Variants in PTPRZ1 observed in about 807,000 individuals in gnomAD.
PTPRZ1 encodes the protein receptor-type tyrosine-protein phosphatase zeta.
Under a neutral mutation model 214.1 loss-of-function variants are expected in PTPRZ1, and 82 were observed. The ratio of observed to expected loss-of-function variants is 0.38; its 90% CI spans 0.32 to 0.46. The LOEUF (loss-of-function observed/expected upper bound fraction) is 0.46, where lower values mean the gene tolerates loss of function less well. Ranked by LOEUF, PTPRZ1 falls within the 20% of genes least tolerant of loss-of-function variation. PTPRZ1 has a pLI of 1.00. For missense variants in PTPRZ1, 2,603 were observed against 2,748.7 expected (o/e 0.95, Z 1.19); for synonymous variants, 945 against 987.9 (o/e 0.96, Z 0.81).
chr7:122,020,386 G>A (rs1013890016), intron 13 of PTPRZ1, among the ~76,000 whole-genome samples: 4 of 152,156 alleles, frequency 2.6e-5, no homozygotes, highest in African/African-American at 9.7e-5. Flanking sequence ...GCTAAAAGTA[G>A]TCAGAGAACA....
At chr7:121,993,945 C>T (rs1187758303) in intron 8 of PTPRZ1, among the ~76,000 whole-genome samples, 3 of 151,974 alleles carry the variant, frequency 2.0e-5, no homozygotes, top group African/African-American at 7.3e-5. Flanking sequence ...TAACAATAAA[C>T]ACAGGTATTT....
chr7:121,976,718 C>A, intron 5 of PTPRZ1, 67 bp from the exon 6 acceptor site: 3 of 1,244,598 alleles, frequency 2.4e-6, no homozygotes, highest in Non-Finnish European at 3.3e-6. Context: ...CATTAATCTT[C>A]ACATTTTTAT....
intron 23 of PTPRZ1, among the ~76,000 whole-genome samples, chr7:122,049,934 A>G (rs1257758844): frequency 6.6e-6 from 1 of 152,204 alleles, no homozygotes; most frequent in Non-Finnish European, 1.5e-5. Context: ...CAGAGGAATG[A>G]TGCATTTGAG....
chr7:121,943,540 G>A (rs530070341), intron 2 of PTPRZ1, among the ~76,000 whole-genome samples: 1 of 151,926 alleles, frequency 6.6e-6, no homozygotes, highest in Admixed American at 6.6e-5. Context: ...GGGCTTTACC[G>A]TGTTAGCCAG....
intron 2 of PTPRZ1, among the ~76,000 whole-genome samples, chr7:121,958,976 A>G (rs1796792488): frequency 6.6e-6 from 1 of 152,086 alleles, no homozygotes; most frequent in South Asian, 2.1e-4. Context: ...GGTGCCCACC[A>G]CCATGGCTGG....
At chr7:121,915,068 A>G (rs1463906419) in intron 1 of PTPRZ1, among the ~76,000 whole-genome samples, 2 of 152,106 alleles carry the variant, frequency 1.3e-5, no homozygotes, top group African/African-American at 4.8e-5. Context: ...ATCAAGACCC[A>G]CTAGAGCACC....
intron 1 of PTPRZ1, among the ~76,000 whole-genome samples, chr7:121,918,825 G>A (rs1269048280): frequency 2.8e-5 from 4 of 143,324 alleles, no homozygotes; most frequent in Non-Finnish European, 6.0e-5. Flanking sequence ...CATAACTGTT[G>A]ATATTTTATA....
intron 1 of PTPRZ1, among the ~76,000 whole-genome samples, chr7:121,897,909 T>C (rs1794840904): frequency 6.6e-6 from 1 of 152,238 alleles, no homozygotes; most frequent in Admixed American, 6.5e-5. Context: ...ACTAGAGTTT[T>C]TAAGCACTGA....
chr7:121,997,002 A>G (rs1165606189), intron 9 of PTPRZ1, among the ~76,000 whole-genome samples: 2 of 152,192 alleles, frequency 1.3e-5, no homozygotes, highest in Admixed American at 1.3e-4. Flanking sequence ...TTCAGATAAC[A>G]GCTGGGAAGT....
intron 2 of PTPRZ1, among the ~76,000 whole-genome samples, chr7:121,949,398 C>T (rs1434119939): frequency 3.3e-5 from 5 of 152,100 alleles, no homozygotes; most frequent in East Asian, 1.9e-4. Context: ...GAAAGTACCA[C>T]GCACATATGA....
chr7:121,973,421 A>C (rs1797317269), intron 4 of PTPRZ1, among the ~76,000 whole-genome samples: 1 of 152,208 alleles, frequency 6.6e-6, no homozygotes. Context: ...TTAATACATT[A>C]AAATTAATTA....
chr7:121,874,039 G>GACACACACACACACACACACAC (rs10640393), intron 1 of PTPRZ1, among the ~76,000 whole-genome samples: 8 of 147,930 alleles, frequency 5.4e-5, no homozygotes, highest in African/African-American at 2.0e-4. Context: ...GTGAATTGCA[G>GACACACACACACACACACACAC]ACACACACAC....
intron 25 of PTPRZ1, among the ~76,000 whole-genome samples, chr7:122,052,542 G>A (rs1219214489): frequency 2.0e-5 from 3 of 152,074 alleles, no homozygotes; most frequent in Non-Finnish European, 4.4e-5. Context: ...TATTTATCCA[G>A]CAAAGAAAAT....
intron 2 of PTPRZ1, among the ~76,000 whole-genome samples, chr7:121,960,099 C>G (rs1253711033): frequency 6.6e-6 from 1 of 152,218 alleles, no homozygotes; most frequent in Non-Finnish European, 1.5e-5. Context: ...GGTACAGTGG[C>G]ATGCTCTCGG....
chr7:122,010,666 T>C lies in PTPRZ1; in HGVS notation c.1620T>C (p.Asp540=), dbSNP rs139409938. The C allele has an allele frequency of 4.0e-5, 65 of 1,613,400 alleles. No individual in the cohort carries two copies. The African/African-American group carries it at 7.3e-4, about 18-fold the overall frequency. The part of the protein sequence containing the change: ...TVEGTSASLN[D]GSKTVLRSPH... Reference sequence around the variant, plus strand: ...AAGGTACTTCAGCCTCTTTAAATGATGGCTCTAAAACTGTTCTTAGATCTC... The same window carrying C: ...AAGGTACTTCAGCCTCTTTAAATGACGGCTCTAAAACTGTTCTTAGATCTC... Residue 540 remains aspartate (D), a synonymous_variant, in exon 12 of 30, where the codon GAT becomes GAC. Transcript: ENST00000393386.
intron 5 of PTPRZ1, 22 bp from the exon 6 acceptor site, chr7:121,976,763 G>A (rs1297115221): frequency 6.5e-7 from 1 of 1,543,710 alleles, no homozygotes. Flanking sequence ...TCTTTTTTTA[G>A]AATGTGATTC....
At chr7:122,023,436 G>A (rs1799083440) in intron 13 of PTPRZ1, among the ~76,000 whole-genome samples, 1 of 144,854 alleles carries the variant, frequency 6.9e-6, no homozygotes, top group Admixed American at 7.2e-5. Flanking sequence ...AGGCATGGTG[G>A]CTCATGCCTG....
chr7:122,012,914 G>A lies in PTPRZ1; in HGVS notation c.3868G>A (p.Asp1290Asn). The A allele has an allele frequency of 6.2e-7, 1 of 1,614,120 alleles. No individual in the cohort carries two copies. Among genetic ancestry groups the A allele is most frequent in the Non-Finnish European group, 8.5e-7 (1 of 1,180,006 alleles). The change falls in exon 12 of 30, where the codon GAT becomes AAT. Residue 1290 changes from aspartate (D) to asparagine (N), a missense_variant. By Grantham distance (23) the Asp-to-Asn change is conservative. Transcript: ENST00000393386. The part of the protein sequence containing the change: ...HQVVPSLYSN[D>N]ELFQTANLEI... Reference sequence around the variant, plus strand: ...AGTGGTACCTTCTTTGTACAGTAATGATGAGTTGTTCCAAACGGCCAATTT... The same window carrying A: ...AGTGGTACCTTCTTTGTACAGTAATAATGAGTTGTTCCAAACGGCCAATTT...
At chr7:121,967,877 T>G (rs1159848445) in intron 2 of PTPRZ1, 74 bp from the exon 3 acceptor site, 3 of 1,072,036 alleles carry the variant, frequency 2.8e-6, no homozygotes, top group Non-Finnish European at 4.1e-6. Context: ...ATGTAATGTA[T>G]TAACTATAAT....
Sources: allele counts gnomAD v4.1 joint callset (sites outside exome capture counted in the v4.1 genomes callset), GRCh38; gene constraint gnomAD v4.1.1; transcripts MANE v1.5; gene names NCBI Gene and HGNC (gene_info 2026-07-23, HGNC 2026-07-21).